Variants in TM4SF4 observed in about 807,000 individuals in gnomAD.
The protein encoded by TM4SF4 is transmembrane 4 L six family member 4.
In TM4SF4, 24 loss-of-function variants were observed where a neutral mutation model predicts 24.1. That is an observed-to-expected ratio of 1.00 (90% CI 0.72 to 1.40). The LOEUF (loss-of-function observed/expected upper bound fraction) is 1.40. Ranked by LOEUF, TM4SF4 falls within the 40% of genes most tolerant of loss-of-function variation. The pLI, the probability that TM4SF4 is intolerant of heterozygous loss-of-function variation, is 0.00. For synonymous variants in TM4SF4, 113 were observed against 97.0 expected (o/e 1.17, Z -0.97); for missense variants, 254 against 254.2 (o/e 1.00, Z 0.01).
intron 2 of TM4SF4, among the ~76,000 whole-genome samples, chr3:149,486,307 G>T (rs970917049): frequency 6.6e-6 from 1 of 152,114 alleles, no homozygotes; most frequent in African/African-American, 2.4e-5. Flanking sequence ...TAAAACTAAG[G>T]CTCTGAGGAC....
intron 2 of TM4SF4, among the ~76,000 whole-genome samples, chr3:149,478,208 C>T (rs4321473): frequency 0.31 from 47,561 of 152,130 alleles, 7,962 homozygotes; most frequent in Non-Finnish European, 0.38. Flanking sequence ...CGCAATGGCG[C>T]GATCTCGGCT....
chr3:149,475,131 C>A, intron 1 of TM4SF4, 80 bp downstream of exon 1: 1 of 1,422,714 alleles, frequency 7.0e-7, no homozygotes, highest in Non-Finnish European at 9.5e-7. Context: ...ACTTATTGAA[C>A]AGGGAGATAT....
chr3:149,495,036 G>T, intron 3 of TM4SF4: 1 of 234,386 alleles, frequency 4.3e-6, no homozygotes, highest in South Asian at 7.2e-5. Flanking sequence ...TCCATGGGCA[G>T]ACCCATGAAC....
intron 2 of TM4SF4, among the ~76,000 whole-genome samples, chr3:149,478,920 T>C (rs926346027): frequency 1.3e-5 from 2 of 152,088 alleles, no homozygotes; most frequent in African/African-American, 2.4e-5. Context: ...CTTGCCACCA[T>C]GCTCGGCTAA....
chr3:149,480,574 G>T (rs908146967), intron 2 of TM4SF4, among the ~76,000 whole-genome samples: 1 of 152,034 alleles, frequency 6.6e-6, no homozygotes, highest in South Asian at 2.1e-4. Context: ...ACTTCTTCCC[G>T]TGCCTGGCTC....
In TM4SF4 at chr3:149,498,869, G is replaced by A. The variant is rs988930831; in HGVS notation, c.549G>A (p.Leu183=). ...CCATCCAGGTGGTCAATGGCCTCCT[G>A]GGGACCCTCTGTGGGGACTGCCAGT... ...LCAIQVVNGL[L]GTLCGDCQCC... is the part of the protein sequence containing the mutation. Residue 183 remains leucine, a synonymous_variant, in exon 4 of 5, where the codon CTG becomes CTA. Coordinates refer to ENST00000305354, the MANE Select transcript of TM4SF4 (RefSeq NM_004617.4). 4.9e-5 allele frequency: 79 copies of A among 1,613,812 alleles called. No homozygotes were observed. The East Asian group carries it at 1.5e-3, about 31-fold the overall frequency.
At chr3:149,499,626 C>A (rs1305497902) in intron 4 of TM4SF4, among the ~76,000 whole-genome samples, 1 of 152,100 alleles carries the variant, frequency 6.6e-6, no homozygotes. Context: ...GGTTCCCTAA[C>A]TGGGGGATTA....
chr3:149,494,212 G>A (rs1342283012), intron 3 of TM4SF4, among the ~76,000 whole-genome samples: 1 of 152,212 alleles, frequency 6.6e-6, no homozygotes, highest in Non-Finnish European at 1.5e-5. Flanking sequence ...CAGAACCAGA[G>A]AGTTTGAAGG....
chr3:149,496,275 C>T (rs66886315), intron 3 of TM4SF4, among the ~76,000 whole-genome samples: 12,969 of 151,892 alleles, frequency 0.085, 1,089 homozygotes, highest in East Asian at 0.43. Flanking sequence ...AGTGGCACAA[C>T]CTCAGCTTAC....
intron 2 of TM4SF4, among the ~76,000 whole-genome samples, chr3:149,487,074 TG>T (rs1734129058): frequency 6.6e-6 from 1 of 152,200 alleles, no homozygotes; most frequent in Non-Finnish European, 1.5e-5. Context: ...GCCAACATGG[TG>T]AAACCCTGTC....
chr3:149,483,027 C>G (rs1227671377), intron 2 of TM4SF4, among the ~76,000 whole-genome samples: 1 of 152,114 alleles, frequency 6.6e-6, no homozygotes, highest in Non-Finnish European at 1.5e-5. Context: ...TGTGATTTAT[C>G]CATAAAATGT....
intron 2 of TM4SF4, among the ~76,000 whole-genome samples, chr3:149,481,371 A>G (rs991154491): frequency 5.9e-5 from 9 of 152,064 alleles, no homozygotes; most frequent in Non-Finnish European, 1.3e-4. Context: ...CACCTAGGAG[A>G]GGAAACGGGC....
rs111403597 is a variant in TM4SF4, at chr3:149,494,337, C to A, written c.402-4385C>A. Reference sequence around the variant, plus strand: ...CAAATTCAATCCTTGCTTCTACGTTCGCCGTAAACGTTTCACAAATCCTAC... The same window carrying A: ...CAAATTCAATCCTTGCTTCTACGTTAGCCGTAAACGTTTCACAAATCCTAC... On this transcript the variant is annotated intron_variant, in intron 3 of 4. Transcript: ENST00000305354. Among the ~76,000 whole-genome samples the A allele has an allele frequency of 5.3e-3, 808 of 152,292 alleles. 3 individuals carry two copies. The highest frequency in any genetic ancestry group is 0.018 in the African/African-American group (764 of 41,574).
chr3:149,476,950 C>T (rs953742591), intron 2 of TM4SF4, among the ~76,000 whole-genome samples: 10 of 151,430 alleles, frequency 6.6e-5, no homozygotes, highest in Middle Eastern at 3.4e-3. Flanking sequence ...ACAAGTGTGC[C>T]ACCCCACGCA....
chr3:149,494,665 A>T (rs1734279052), intron 3 of TM4SF4: 1 of 152,424 alleles, frequency 6.6e-6, no homozygotes. Context: ...CCAAAATGGG[A>T]AAGAAAAGGA....
chr3:149,491,430 C>T (rs2107872714), intron 3 of TM4SF4, among the ~76,000 whole-genome samples: 1 of 152,128 alleles, frequency 6.6e-6, no homozygotes, highest in Middle Eastern at 3.4e-3. Context: ...CATGCCACTG[C>T]ATTCTAGCCT....
At chr3:149,502,424 A>G (rs760368872) in intron 4 of TM4SF4, among the ~76,000 whole-genome samples, 6 of 152,196 alleles carry the variant, frequency 3.9e-5, no homozygotes, top group Non-Finnish European at 8.8e-5. Context: ...AATAAATAAA[A>G]TGTAACTTCC....
intron 3 of TM4SF4, among the ~76,000 whole-genome samples, chr3:149,494,197 A>G (rs1215059155): frequency 2.0e-5 from 3 of 152,174 alleles, no homozygotes; most frequent in Non-Finnish European, 4.4e-5. Flanking sequence ...ACTCTCAAAG[A>G]CTGCCAGAAC....
At chr3:149,495,400 A>T in intron 3 of TM4SF4, 1 of 338,056 alleles carries the variant, frequency 3.0e-6, no homozygotes, top group Non-Finnish European at 6.0e-6. Flanking sequence ...CCAGATGTCT[A>T]CAAAGTTGGT....
Sources: allele counts gnomAD v4.1 joint callset (sites outside exome capture counted in the v4.1 genomes callset), GRCh38; gene constraint gnomAD v4.1.1; transcripts MANE v1.5; gene names NCBI Gene and HGNC (gene_info 2026-07-23, HGNC 2026-07-21).